VPS13B: variants seen among roughly 807,000 people sequenced by gnomAD.
VPS13B encodes vacuolar protein sorting 13 homolog B.
Under a neutral mutation model 426.4 loss-of-function variants are expected in VPS13B, and 285 were observed. The observed-to-expected ratio is 0.67, with a 90% CI of 0.61 to 0.74. The LOEUF (loss-of-function observed/expected upper bound fraction) is 0.74, where lower values mean the gene tolerates loss of function less well. Among genes scored for constraint, VPS13B ranks in the 30% least tolerant of loss-of-function variants. The pLI, the probability that VPS13B is intolerant of heterozygous loss-of-function variation, is 0.00. For missense variants in VPS13B, 4,537 were observed against 4,782.6 expected (o/e 0.95, Z 1.51); for synonymous variants, 1,676 against 1,676.4 (o/e 1.00, Z 0.01).
intron 17 of VPS13B, among the ~76,000 whole-genome samples, chr8:99,195,219 A>G (rs1039021425): frequency 6.6e-5 from 10 of 152,196 alleles, no homozygotes; most frequent in African/African-American, 1.9e-4. Context: ...GAGAATGGCC[A>G]TTCTAACAGG....
chr8:99,172,909 T>A (rs757151373), intron 16 of VPS13B, among the ~76,000 whole-genome samples: 3 of 152,166 alleles, frequency 2.0e-5, no homozygotes, highest in Non-Finnish European at 4.4e-5. Flanking sequence ...CCAACCATTA[T>A]TGGGCAGCTC....
chr8:99,375,943 GC>G (rs1813461390), intron 19 of VPS13B, among the ~76,000 whole-genome samples: 1 of 152,158 alleles, frequency 6.6e-6, no homozygotes, highest in African/African-American at 2.4e-5. Context: ...TGGCTGGCAA[GC>G]TTCTATAGCT....
chr8:99,690,388 G>A lies in VPS13B; in HGVS notation c.6047-9137G>A, dbSNP rs145926212. On this transcript the variant is annotated intron_variant, in intron 35 of 61. Transcript: ENST00000357162. ...ATAGGTGTAAATCTTTGTGACTTTG[G>A]GTTAAACAATGGTTTCTTGGTATGA... Among the ~76,000 whole-genome samples, 460 of 152,190 alleles carry A rather than the reference G, an allele frequency of 3.0e-3. 3 individuals are homozygous for A. Among genetic ancestry groups the A allele is most frequent in the South Asian group, 0.015 (73 of 4,816 alleles).
At chr8:99,488,544 G>A (rs2133573256) in intron 25 of VPS13B, among the ~76,000 whole-genome samples, 1 of 152,232 alleles carries the variant, frequency 6.6e-6, no homozygotes, top group African/African-American at 2.4e-5. Context: ...TGATAAGTGA[G>A]CAAAGATCTT....
At chr8:99,154,786 ATG>A (rs1811269840) in intron 14 of VPS13B, among the ~76,000 whole-genome samples, 1 of 152,042 alleles carries the variant, frequency 6.6e-6, no homozygotes, top group African/African-American at 2.4e-5. Flanking sequence ...GACCATGATG[ATG>A]TACTTGTATT....
intron 35 of VPS13B, among the ~76,000 whole-genome samples, chr8:99,682,008 A>C (rs952047588): frequency 3.3e-5 from 5 of 152,216 alleles, no homozygotes; most frequent in African/African-American, 1.2e-4. Flanking sequence ...AAACAAAATA[A>C]ATCTATAAAA....
intron 46 of VPS13B, 71 bp downstream of exon 46, chr8:99,818,605 C>T (rs1814182329): frequency 6.2e-7 from 1 of 1,602,918 alleles, no homozygotes; most frequent in Non-Finnish European, 8.5e-7. Flanking sequence ...AAATTAAGGT[C>T]AGAGTGACCC....
At chr8:99,613,223 C>T (rs1443137088) in intron 33 of VPS13B, among the ~76,000 whole-genome samples, 1 of 152,168 alleles carries the variant, frequency 6.6e-6, no homozygotes, top group Non-Finnish European at 1.5e-5. Flanking sequence ...GGAGGGTAGA[C>T]AGCCTGTTTT....
chr8:99,049,767 C>T (rs780712506), intron 3 of VPS13B, among the ~76,000 whole-genome samples: 47 of 151,846 alleles, frequency 3.1e-4, no homozygotes, highest in Admixed American at 8.5e-4. Context: ...ACATGTTTTC[C>T]AACTTTTAGA....
intron 15 of VPS13B, among the ~76,000 whole-genome samples, chr8:99,163,534 G>T (rs1315507924): frequency 1.3e-5 from 2 of 152,240 alleles, no homozygotes; most frequent in Non-Finnish European, 2.9e-5. Context: ...CAGGTCCCGA[G>T]CCCTGCCCCG....
At chr8:99,308,929 C>T (rs1460775501) in intron 19 of VPS13B, among the ~76,000 whole-genome samples, 1 of 152,114 alleles carries the variant, frequency 6.6e-6, no homozygotes, top group Admixed American at 6.5e-5. Context: ...CTCTGATGGC[C>T]AGTGATGGTG....
At chr8:99,472,046 AT>A (rs1242216526) in intron 24 of VPS13B, among the ~76,000 whole-genome samples, 1 of 152,184 alleles carries the variant, frequency 6.6e-6, no homozygotes, top group Non-Finnish European at 1.5e-5. Context: ...GGACTTACTT[AT>A]TTTAATCTTA....
At chr8:99,234,034 A>T in intron 17 of VPS13B, 2 of 776,730 alleles carry the variant, frequency 2.6e-6, no homozygotes, top group Non-Finnish European at 2.4e-6. Flanking sequence ...TGGCACCAAC[A>T]AACTGGGTTG....
intron 23 of VPS13B, among the ~76,000 whole-genome samples, chr8:99,466,879 G>A (rs939785717): frequency 1.3e-5 from 2 of 152,052 alleles, no homozygotes; most frequent in African/African-American, 4.8e-5. Context: ...TCATTCCATG[G>A]CAAGATCTAT....
At chr8:99,073,410 G>A (rs1587998421) in intron 3 of VPS13B, among the ~76,000 whole-genome samples, 1 of 151,970 alleles carries the variant, frequency 6.6e-6, no homozygotes, top group East Asian at 1.9e-4. Context: ...TTTAATGAGT[G>A]TTTCGTAGTT....
At chr8:99,411,085 G>A (rs1815628901) in intron 21 of VPS13B, among the ~76,000 whole-genome samples, 1 of 152,166 alleles carries the variant, frequency 6.6e-6, no homozygotes, top group Admixed American at 6.5e-5. Flanking sequence ...ACCTGGTAGT[G>A]GGATTGCTGG....
intron 23 of VPS13B, among the ~76,000 whole-genome samples, chr8:99,458,142 C>T (rs971427792): frequency 1.3e-5 from 2 of 148,890 alleles, no homozygotes; most frequent in Non-Finnish European, 3.0e-5. Flanking sequence ...TGTTCAATTC[C>T]CACCTATGAG....
chr8:99,717,269 G>A lies in VPS13B; in HGVS notation c.6553G>A (p.Ala2185Thr). ...RSRILIGPCCATANLEAKWCK... is the reference protein window; with the variant it reads ...RSRILIGPCCTTANLEAKWCK... ...CCGCATTCTGATAGGACCATGTTGT[G>A]CTACTGCCAATCTGGAAGCTAAGTG... is the stretch of plus-strand genomic sequence containing the variant. The change falls in exon 37 of 62, where the codon GCT becomes ACT. Residue 2185 changes from alanine (A) to threonine (T), a missense_variant. This residue lies in a region of VPS13B where 4,311 missense variants were observed against 4,474.3 expected (regional missense o/e 0.96). Coordinates refer to ENST00000357162, the MANE Select transcript of VPS13B (RefSeq NM_152564.5). 6.2e-7 allele frequency: 1 copy of A among 1,613,868 alleles called. No homozygotes were observed. Among genetic ancestry groups the A allele is most frequent in the Non-Finnish European group, 8.5e-7 (1 of 1,179,920 alleles).
chr8:99,284,723 T>C (rs1819342545), intron 19 of VPS13B, among the ~76,000 whole-genome samples: 1 of 61,512 alleles, frequency 1.6e-5, no homozygotes, highest in Non-Finnish European at 3.9e-5. Context: ...GCTAAATTTG[T>C]GTGTGTGTGT....
Sources: gnomAD v4.1 joint callset for allele counts (sites outside exome capture counted in the v4.1 genomes callset) on GRCh38, gnomAD v4.1.1 for gene constraint, gnomAD v4.1.1 regional missense constraint, MANE v1.5 for transcripts, NCBI Gene and HGNC (gene_info 2026-07-23, HGNC 2026-07-21) for gene names.